The following COL10A1 variants were observed in gnomAD, a reference collection of about 807,000 sequenced individuals.
The protein encoded by COL10A1 is collagen alpha-1(X) chain.
In COL10A1, 10 loss-of-function variants were observed where a neutral mutation model predicts 18.2. The observed-to-expected ratio is 0.55, with a 90% CI of 0.34 to 0.93. The LOEUF is 0.93. Among genes scored for constraint, COL10A1 ranks in the 40% least tolerant of loss-of-function variants. The pLI is 0.02. For missense variants in COL10A1, 897 were observed against 853.5 expected (o/e 1.05, Z -0.64); for synonymous variants, 330 against 316.6 (o/e 1.04, Z -0.45).
rs747962638 is a variant in COL10A1 at position 116,121,513 on chromosome 6, C to T, written c.603G>A (p.Glu201=). The T allele has an allele frequency of 2.5e-6, 4 of 1,614,022 alleles. No individual in the cohort carries two copies. Among genetic ancestry groups the T allele is most frequent in the Middle Eastern group, 1.6e-4 (1 of 6,084 alleles). ...GACCCTGAGGGCCTGGAAGACCCCT[C>T]TCACCTGGACGACCAGGAGCACCAT... ...MGYGAPGRPG[E]RGLPGPQGPT... Residue 201 remains glutamate, a synonymous_variant, in exon 3 of 3, where the codon GAG becomes GAA. Coordinates refer to ENST00000651968, the MANE Select transcript of COL10A1 (RefSeq NM_000493.4).
At chr6:116,155,719 T>C (rs1780172522) in intron 1 of COL10A1, among the ~76,000 whole-genome samples, 1 of 129,638 alleles carries the variant, frequency 7.7e-6, no homozygotes, top group South Asian at 2.4e-4. Flanking sequence ...TAAACAACAC[T>C]GCATCTACAC....
the COL10A1 span, among the ~76,000 whole-genome samples, chr6:116,165,951 T>G: frequency 1.4e-4 from 21 of 152,142 alleles, no homozygotes; most frequent in Non-Finnish European, 2.2e-4. Flanking sequence ...AGCTCAGGCT[T>G]GAGGGGAGTG....
chr6:116,155,390 C>T (rs1780161346), intron 1 of COL10A1, among the ~76,000 whole-genome samples: 1 of 152,074 alleles, frequency 6.6e-6, no homozygotes, highest in Non-Finnish European at 1.5e-5. Context: ...CACTCGCCAA[C>T]ACAAACATCT....
intron 1 of COL10A1, chr6:116,136,916 G>A (rs898007758): frequency 1.3e-5 from 2 of 152,146 alleles, no homozygotes; most frequent in East Asian, 1.9e-4. Flanking sequence ...TGTGTTTGTC[G>A]TGATGGATAG....
the COL10A1 span, among the ~76,000 whole-genome samples, chr6:116,202,232 CACA>C: frequency 1.3e-5 from 2 of 152,112 alleles, no homozygotes; most frequent in Non-Finnish European, 2.9e-5. Flanking sequence ...CTTCCTTGCA[CACA>C]CTTGGCTATT....
the COL10A1 span, among the ~76,000 whole-genome samples, chr6:116,178,605 T>C: frequency 6.6e-6 from 1 of 152,374 alleles, no homozygotes; most frequent in Admixed American, 6.5e-5. Context: ...CACCTTTTAC[T>C]CTGAAGAATG....
In COL10A1 at chr6:116,120,357, C is replaced by T. The variant is rs770624113; in HGVS notation, c.1759G>A (p.Gly587Arg). The T allele has an allele frequency of 1.7e-5, 28 of 1,614,088 alleles. No individual in the cohort carries two copies. Among genetic ancestry groups the T allele is most frequent in the Non-Finnish European group, 2.4e-5 (28 of 1,180,036 alleles). Residue 587 changes from glycine (G) to arginine (R), a missense_variant, in exon 3 of 3, where the codon GGA becomes AGA. Coordinates refer to ENST00000651968, the MANE Select transcript of COL10A1 (RefSeq NM_000493.4). ...NRQQHYDPRT[G>R]IFTCQIPGIY... ...CCTGGTATCTGACAAGTAAAGATTCCAGTCCTTGGGTCATAATGCTGTTGC... is the reference window on the plus strand; with the variant it reads ...CCTGGTATCTGACAAGTAAAGATTCTAGTCCTTGGGTCATAATGCTGTTGC...
the COL10A1 span, among the ~76,000 whole-genome samples, chr6:116,180,984 A>G: frequency 6.6e-6 from 1 of 152,102 alleles, no homozygotes; most frequent in Admixed American, 6.6e-5. Flanking sequence ...TTCAGGTGTC[A>G]TGTAGCTTAA....
chr6:116,161,930 A>G (rs562310074), upstream of COL10A1, among the ~76,000 whole-genome samples: 3 of 152,144 alleles, frequency 2.0e-5, no homozygotes, highest in East Asian at 5.8e-4. Flanking sequence ...TTTGTATTTC[A>G]CCATCTTAAA....
In COL10A1 at chr6:116,148,804, G is replaced by A. The variant is rs569575178; in HGVS notation, c.-16+9810C>T. 2.0e-5 allele frequency among the ~76,000 whole-genome samples: 3 copies of A among 152,176 alleles called. No individual in the cohort carries two copies. In the South Asian group the frequency reaches 6.2e-4, roughly 32 times the overall value. On this transcript the variant is annotated intron_variant, in intron 1 of 1. Coordinates refer to the COL10A1 transcript ENST00000418500. Reference sequence around the variant, plus strand: ...GACTTTTTAAACCCATATTTTGAGTGGGTTACAGGTAAGTCATTTCTATAA... The same window carrying A: ...GACTTTTTAAACCCATATTTTGAGTAGGTTACAGGTAAGTCATTTCTATAA...
At chr6:116,194,912 G>A in the COL10A1 span, among the ~76,000 whole-genome samples, 1 of 151,974 alleles carries the variant, frequency 6.6e-6, no homozygotes, top group Non-Finnish European at 1.5e-5. Context: ...TCTAAGTACT[G>A]ATAACCAAAA....
the COL10A1 span, among the ~76,000 whole-genome samples, chr6:116,180,165 A>C: frequency 6.6e-6 from 1 of 152,046 alleles, no homozygotes; most frequent in Non-Finnish European, 1.5e-5. Flanking sequence ...TTAATTACAG[A>C]GATAGTATAT....
chr6:116,120,157 C>T lies in COL10A1; in HGVS notation c.1959G>A (p.Gln653=), dbSNP rs1779065878. 2 of 1,614,000 alleles carry T rather than the reference C, an allele frequency of 1.2e-6. No homozygotes were observed. The highest frequency in any genetic ancestry group is 2.2e-5 in the East Asian group (1 of 44,896). ...DLTENDQVWL[Q]LPNAESNGLY... is the part of the protein sequence containing the mutation. ...GGCCATTTGACTCGGCATTGGGAAG[C>T]TGGAGCCACACCTGGTCATTTTCTG... Residue 653 remains glutamine, a synonymous_variant, in exon 3 of 3, where the codon CAG becomes CAA. Coordinates refer to ENST00000651968, the MANE Select transcript of COL10A1 (RefSeq NM_000493.4).
At chr6:116,183,881 T>A in the COL10A1 span, among the ~76,000 whole-genome samples, 1 of 152,098 alleles carries the variant, frequency 6.6e-6, no homozygotes, top group African/African-American at 2.4e-5. Context: ...CCAATTTGGA[T>A]ACCCTTTAGT....
At chr6:116,173,022 TCA>T in the COL10A1 span, among the ~76,000 whole-genome samples, 8 of 152,210 alleles carry the variant, frequency 5.3e-5, no homozygotes, top group African/African-American at 1.9e-4. Flanking sequence ...GGAATACAAT[TCA>T]CAGATATTAT....
At chr6:116,146,226 A>T (rs1487614446) in intron 1 of COL10A1, among the ~76,000 whole-genome samples, 1 of 152,202 alleles carries the variant, frequency 6.6e-6, no homozygotes, top group East Asian at 1.9e-4. Context: ...CCTGAGATTT[A>T]AGTCCATTGT....
intron 2 of COL10A1, among the ~76,000 whole-genome samples, 193 bp downstream of exon 2, chr6:116,125,146 A>T (rs1779256088): frequency 1.3e-5 from 2 of 152,214 alleles, no homozygotes; most frequent in African/African-American, 4.8e-5. Flanking sequence ...ATTTTCAAGT[A>T]TATCCTTTCT....
chr6:116,121,469 G>A lies in COL10A1; in HGVS notation c.647C>T (p.Pro216Leu). Residue 216 changes from proline (P) to leucine (L), a missense_variant, in exon 3 of 3, where the codon CCT (proline) becomes CTT (leucine). Pro to Leu is a moderately conservative substitution (Grantham distance 98). Coordinates refer to ENST00000651968, the MANE Select transcript of COL10A1 (RefSeq NM_000493.4). Reference protein sequence around the residue: ...GPQGPTGPSGPPGVGKRGENG... With the variant: ...GPQGPTGPSGLPGVGKRGENG... Reference sequence around the variant, plus strand: ...TTCACCTCTTTTTCCCACTCCAGGAGGGCCAGATGGTCCTGTGGGACCCTG... The same window carrying A: ...TTCACCTCTTTTTCCCACTCCAGGAAGGCCAGATGGTCCTGTGGGACCCTG... The A allele has an allele frequency of 6.2e-7, 1 of 1,614,138 alleles. No homozygotes were observed. The highest frequency in any genetic ancestry group is 1.1e-5 in the South Asian group (1 of 91,070).
chr6:116,212,142 C>A, the COL10A1 span, among the ~76,000 whole-genome samples: 1 of 151,910 alleles, frequency 6.6e-6, no homozygotes, highest in Admixed American at 6.6e-5. Context: ...AAGTTAATAA[C>A]TCTGTCAAAA....
Sources: gnomAD v4.1 joint callset for allele counts (sites outside exome capture counted in the v4.1 genomes callset) on GRCh38, gnomAD v4.1.1 for gene constraint, MANE v1.5 for transcripts, NCBI Gene and HGNC (gene_info 2026-07-23, HGNC 2026-07-21) for gene names.